ZSCAN5A: variants seen among roughly 807,000 people sequenced by gnomAD.
ZSCAN5A encodes zinc finger and SCAN domain containing 5A, also known as zinc finger and SCAN domain-containing protein 5A.
A neutral mutation model predicts 23.7 loss-of-function variants in ZSCAN5A; 12 were observed. The observed-to-expected ratio is 0.51, with a 90% CI of 0.32 to 0.82. The LOEUF (loss-of-function observed/expected upper bound fraction) is 0.82, where lower values mean the gene tolerates loss of function less well. Ranked by LOEUF, ZSCAN5A falls within the 40% of genes least tolerant of loss-of-function variation. ZSCAN5A has a pLI of 0.03. For synonymous variants in ZSCAN5A, 257 were observed against 239.9 expected, an observed-to-expected ratio of 1.07 and a Z score of -0.66; for missense variants, 597 against 617.9, an observed-to-expected ratio of 0.97 and a Z score of 0.36.
intron 2 of ZSCAN5A, among the ~76,000 whole-genome samples, chr19:56,339,958 C>T (rs879670896): frequency 6.6e-6 from 1 of 152,256 alleles, no homozygotes; most frequent in Non-Finnish European, 1.5e-5. Flanking sequence ...CCTGCCCACA[C>T]TGACCCTTCC....
At chr19:56,271,243 C>G (rs2037827078) in intron 2 of ZSCAN5A, among the ~76,000 whole-genome samples, 1 of 152,186 alleles carries the variant, frequency 6.6e-6, no homozygotes, top group African/African-American at 2.4e-5. Context: ...GGCCTCCAAC[C>G]AGGCACTCTT....
At chr19:56,285,239 G>GT (rs535375628) in intron 2 of ZSCAN5A, among the ~76,000 whole-genome samples, 1 of 152,186 alleles carries the variant, frequency 6.6e-6, no homozygotes, top group Non-Finnish European at 1.5e-5. Context: ...ATGCTGTGGA[G>GT]TTTTTTAAGT....
intron 2 of ZSCAN5A, among the ~76,000 whole-genome samples, chr19:56,293,104 T>A (rs78470743): frequency 4.6e-5 from 7 of 152,160 alleles, no homozygotes; most frequent in Non-Finnish European, 8.8e-5. Context: ...CCCACTTCTA[T>A]GCAGCTTGAG....
At chr19:56,295,602 AAAAAC>A (rs563523883) in intron 2 of ZSCAN5A, among the ~76,000 whole-genome samples, 212 of 152,230 alleles carry the variant, frequency 1.4e-3, no homozygotes, top group Middle Eastern at 6.8e-3. Flanking sequence ...CTAAAAAACA[AAAAAC>A]AAAACAAAAC....
chr19:56,351,038 AATC>A lies in ZSCAN5A; in HGVS notation c.-358+12194_-358+12196del, dbSNP rs1005228240. Among the ~76,000 whole-genome samples, 9 of 152,032 alleles carry A rather than the reference AATC, an allele frequency of 5.9e-5. No homozygotes were observed. The East Asian group carries it at 9.7e-4, about 16-fold the overall frequency. On this transcript the variant is annotated intron_variant, in intron 2 of 6. Transcript: ENST00000587340. This position sits in a 1 kb window ranked among gnomAD's most constrained non-coding sequence, Gnocchi z 4.8. ...TTTTCAGCAGACAGTACCCAGAAAG[AATC>A]ATCATCTAACACCCCCTAACAGCAG...
intron 2 of ZSCAN5A, among the ~76,000 whole-genome samples, chr19:56,262,720 C>G (rs1388788991): frequency 6.6e-6 from 1 of 152,240 alleles, no homozygotes; most frequent in Non-Finnish European, 1.5e-5. Flanking sequence ...GCATGAGCCA[C>G]TGCGCCCGGC....
At chr19:56,342,748 A>G (rs2041603813) in intron 2 of ZSCAN5A, 1 of 687,196 alleles carries the variant, frequency 1.5e-6, no homozygotes, top group African/African-American at 1.8e-5. Flanking sequence ...GATATTCATC[A>G]TCCAAGGCCA....
chr19:56,362,793 C>A (rs2041742420), intron 2 of ZSCAN5A, among the ~76,000 whole-genome samples: 2 of 151,346 alleles, frequency 1.3e-5, no homozygotes, highest in African/African-American at 4.9e-5. Context: ...ATGGTGTGAA[C>A]CAGGGAAGCA....
intron 4 of ZSCAN5A, 50 bp from the exon 5 acceptor site, chr19:56,222,791 A>G (rs2033423870): frequency 1.2e-6 from 2 of 1,613,154 alleles, no homozygotes; most frequent in Admixed American, 3.3e-5. Flanking sequence ...AACTGGTGGA[A>G]GCAGGGACAC....
intron 2 of ZSCAN5A, among the ~76,000 whole-genome samples, chr19:56,340,034 C>G (rs1447849877): frequency 6.6e-6 from 1 of 152,108 alleles, no homozygotes; most frequent in African/African-American, 2.4e-5. Flanking sequence ...TTCCCCTCCT[C>G]CATCCAAACC....
chr19:56,322,892 C>CTTT (rs397859568), intron 2 of ZSCAN5A, among the ~76,000 whole-genome samples: 23 of 126,794 alleles, frequency 1.8e-4, no homozygotes, highest in South Asian at 5.0e-4. Context: ...TTATTGGTTT[C>CTTT]TTTTTTTTTT....
chr19:56,260,574 A>AT (rs1427415322), intron 2 of ZSCAN5A, among the ~76,000 whole-genome samples: 1 of 151,896 alleles, frequency 6.6e-6, no homozygotes, highest in East Asian at 1.9e-4. Context: ...TGAAACTAAT[A>AT]TAATTACATA....
chr19:56,221,495 G>A lies in ZSCAN5A; in HGVS notation c.*80C>T. 1 of 1,505,738 alleles carries A rather than the reference G, an allele frequency of 6.6e-7. No individual in the cohort carries two copies. Among genetic ancestry groups the A allele is most frequent in the Non-Finnish European group, 8.9e-7 (1 of 1,124,018 alleles). 93.3% of individuals were successfully genotyped at this position (1,505,738 alleles called of 1,614,324 possible). A position where few individuals can be genotyped will look rare whatever the true frequency, so the allele number is the denominator to read the frequency against. On this transcript the variant is annotated 3_prime_UTR_variant, in exon 6 of 6. Transcript: ENST00000683990. ...CTGTGTGTCAGACGCCCTTGCATGT[G>A]TCAAATGTCATCTGATAACATTGAT...
At chr19:56,254,805 G>C (rs2036585398) in intron 2 of ZSCAN5A, among the ~76,000 whole-genome samples, 1 of 152,086 alleles carries the variant, frequency 6.6e-6, no homozygotes, top group African/African-American at 2.4e-5. Flanking sequence ...GAGGTGGAGT[G>C]CCTTTTCTTG....
At chr19:56,289,311 T>C (rs1286213379) in intron 2 of ZSCAN5A, among the ~76,000 whole-genome samples, 2 of 152,156 alleles carry the variant, frequency 1.3e-5, no homozygotes, top group Non-Finnish European at 2.9e-5. Context: ...ATTGCTCCAA[T>C]GCGAGGGAGC....
chr19:56,240,022 C>T (rs1419488414), intron 2 of ZSCAN5A, among the ~76,000 whole-genome samples: 2 of 151,940 alleles, frequency 1.3e-5, no homozygotes, highest in Non-Finnish European at 1.5e-5. Flanking sequence ...ATTAGCCAGG[C>T]GTGGTGGCGG....
chr19:56,364,521 G>A (rs1313404335), intron 1 of ZSCAN5A, among the ~76,000 whole-genome samples: 1 of 152,096 alleles, frequency 6.6e-6, no homozygotes, highest in Non-Finnish European at 1.5e-5. Flanking sequence ...CATGTTATAT[G>A]GTACAACCAC....
At chr19:56,241,952 G>GAT (rs1342390579) in intron 2 of ZSCAN5A, among the ~76,000 whole-genome samples, 8 of 151,706 alleles carry the variant, frequency 5.3e-5, no homozygotes, top group African/African-American at 1.9e-4. Flanking sequence ...AGGATGTGAG[G>GAT]AGCACCCGAT....
At chr19:56,304,669 A>C in intron 2 of ZSCAN5A, 1 of 407,048 alleles carries the variant, frequency 2.5e-6, no homozygotes, top group South Asian at 1.0e-4. Context: ...AGAGGGAAAG[A>C]GCAGAGGGGG....
Sources: gnomAD v4.1 joint callset for allele counts (sites outside exome capture counted in the v4.1 genomes callset) on GRCh38, gnomAD v4.1.1 for gene constraint, Gnocchi (gnomAD v3.1) non-coding constraint, MANE v1.5 for transcripts, NCBI Gene and HGNC (gene_info 2026-07-23, HGNC 2026-07-21) for gene names.